The following HLA-G variants were observed in gnomAD, a reference collection of about 807,000 sequenced individuals.
HLA-G encodes the protein major histocompatibility complex, class I, G, also known as HLA class I histocompatibility antigen, alpha chain G.
In HLA-G, 34 loss-of-function variants were observed where a neutral mutation model predicts 39.3. The observed-to-expected ratio is 0.86, with a 90% CI of 0.66 to 1.15. The LOEUF is 1.15. HLA-G is among the 50% of genes most tolerant of loss of function. HLA-G has a pLI of 0.00. For synonymous variants in HLA-G, 183 were observed against 185.8 expected (o/e 0.99, Z 0.12); for missense variants, 419 against 456.4 (o/e 0.92, Z 0.75).
upstream of HLA-G, chr6:29,827,027 T>G (rs1363196700): frequency 1.9e-6 from 1 of 525,860 alleles, no homozygotes; most frequent in Non-Finnish European, 3.9e-6. Context: ...CACGGAAACT[T>G]AGGGCTACGG....
Position 29,828,098 on chromosome 6 carries a change from G to A in HLA-G, c.125G>A (p.Gly42Glu). 1.2e-6 allele frequency: 2 copies of A among 1,612,550 alleles called. No homozygotes were observed. Among genetic ancestry groups the A allele is most frequent in the Non-Finnish European group, 1.7e-6 (2 of 1,179,716 alleles). ...GCCGCCGTGTCCCGGCCCGGCCGCG[G>A]GGAGCCCCGCTTCATCGCCATGGGC... ...FSAAVSRPGR[G>E]EPRFIAMGYV... is the part of the protein sequence containing the mutation. The change falls in exon 2 of 7, where the codon GGG (glycine) becomes GAG (glutamate). Residue 42 changes from glycine to glutamate, a missense_variant. Gly to Glu is a moderately conservative substitution (Grantham distance 98). This residue lies in a region of HLA-G where 91 missense variants were observed against 133.4 expected (regional missense o/e 0.68). Transcript: ENST00000360323.
chr6:29,828,760 G>T lies in HLA-G; in HGVS notation c.561G>T (p.Thr187=). Reference sequence around the variant, plus strand: ...AAAGGAGAGCCTACCTGGAGGGCACGTGCGTGGAGTGGCTCCACAGATACC... The same window carrying T: ...AAAGGAGAGCCTACCTGGAGGGCACTTGCGTGGAGTGGCTCCACAGATACC... ...AEQRRAYLEG[T]CVEWLHRYLE... The change falls in exon 3 of 7, where the codon ACG becomes ACT. Residue 187 remains threonine (T), a synonymous_variant. Coordinates refer to ENST00000360323, the MANE Select transcript of HLA-G (RefSeq NM_001384290.1). The T allele has an allele frequency of 1.2e-6, 2 of 1,614,058 alleles. No individual in the cohort carries two copies. Among genetic ancestry groups the T allele is most frequent in the African/African-American group, 1.3e-5 (1 of 75,050 alleles).
intron 1 of HLA-G, 63 bp from the exon 2 acceptor site, chr6:29,827,984 G>C: frequency 6.3e-7 from 1 of 1,589,816 alleles, no homozygotes; most frequent in Non-Finnish European, 8.6e-7. Context: ...CGGCGGGGGC[G>C]CAGGACTCGG....
chr6:29,827,652 G>A, upstream of HLA-G: 3 of 663,986 alleles, frequency 4.5e-6, no homozygotes, highest in Non-Finnish European at 8.2e-6. Flanking sequence ...GGGTTGGGGA[G>A]GCCCCGCGTT....
In HLA-G at chr6:29,829,702, G is replaced by C; in HGVS notation, c.895+9G>C. 6.2e-7 allele frequency: 1 copy of C among 1,611,644 alleles called. No individual in the cohort carries two copies. Among genetic ancestry groups the C allele is most frequent in the Non-Finnish European group, 8.5e-7 (1 of 1,179,224 alleles). ...CCTCATGCTGAGATGGAGTAAGGAG[G>C]GAGATGGAGGCATCATGTCTGTTAG... On this transcript the variant is annotated intron_variant, in intron 4 of 6. Transcript: ENST00000360323.
intron 1 of HLA-G, 33 bp downstream of exon 1, chr6:29,827,950 G>A (rs774641405): frequency 4.4e-6 from 7 of 1,595,588 alleles, no homozygotes; most frequent in Non-Finnish European, 6.0e-6. Flanking sequence ...AACAGCCCCT[G>A]CGCGGAGGAG....
chr6:29,828,924 C>T (rs1442824625), intron 3 of HLA-G, 106 bp downstream of exon 3: 40 of 1,454,966 alleles, frequency 2.7e-5, no homozygotes, highest in Non-Finnish European at 3.5e-5. Flanking sequence ...ATCGCCCTCC[C>T]TCTGGTCCTG....
In HLA-G at chr6:29,828,623, T is replaced by C. The variant is rs772834879; in HGVS notation, c.424T>C (p.Tyr142His). 21 of 1,613,200 alleles carry C rather than the reference T, an allele frequency of 1.3e-5. No homozygotes were observed. The highest frequency in any genetic ancestry group is 1.7e-5 in the Non-Finnish European group (20 of 1,179,988). ...RLLRGYEQYA[Y>H]DGKDYLALNE... ...CCTCCGCGGGTATGAACAGTATGCC[T>C]ACGATGGCAAGGATTACCTCGCCCT... Residue 142 changes from tyrosine to histidine, a missense_variant, in exon 3 of 7, where the codon TAC becomes CAC. By Grantham distance (83) the Tyr-to-His change is moderately conservative. This residue lies in a region of HLA-G where 328 missense variants were observed against 323.0 expected (regional missense o/e 1.02). Coordinates refer to ENST00000360323, the MANE Select transcript of HLA-G (RefSeq NM_001384290.1).
upstream of HLA-G, chr6:29,827,336 C>G (rs17875393): frequency 0.037 from 13,223 of 355,956 alleles, 396 homozygotes; most frequent in Middle Eastern, 0.087. Context: ...CCTACAATCC[C>G]AGGGCGAGCT....
chr6:29,828,148 C>T lies in HLA-G; in HGVS notation c.175C>T (p.Arg59Trp). 6.2e-7 allele frequency: 1 copy of T among 1,612,906 alleles called. No homozygotes were observed. Among genetic ancestry groups the T allele is most frequent in the Non-Finnish European group, 8.5e-7 (1 of 1,179,704 alleles). The change falls in exon 2 of 7, where the codon CGG becomes TGG. Residue 59 changes from arginine (R) to tryptophan (W), a missense_variant. Arg to Trp is a moderately radical substitution (Grantham distance 101). This residue lies in a region of HLA-G where 91 missense variants were observed against 133.4 expected (regional missense o/e 0.68). Transcript: ENST00000360323. Reference protein sequence around the residue: ...MGYVDDTQFVRFDSDSACPRM... With the variant: ...MGYVDDTQFVWFDSDSACPRM... ...CTACGTGGACGACACGCAGTTCGTG[C>T]GGTTCGACAGCGACTCGGCGTGTCC...
At chr6:29,827,974 C>A (rs6932596) in intron 1 of HLA-G, 57 bp downstream of exon 1, 1 of 1,586,926 alleles carries the variant, frequency 6.3e-7, no homozygotes, top group South Asian at 1.2e-5. Context: ...GGGGCCGGCC[C>A]GGCGGGGGCG....
intron 3 of HLA-G, 90 bp from the exon 4 acceptor site, chr6:29,829,328 G>A (rs1761034604): frequency 7.1e-7 from 1 of 1,412,238 alleles, no homozygotes; most frequent in Non-Finnish European, 9.8e-7. Context: ...CCAGGTATCT[G>A]GTTCATTCTT....
At position 29,828,138 on chromosome 6, in the gene HLA-G, G is replaced by C. The variant is rs753725219; in HGVS notation, c.165G>C (p.Thr55=). ...TCGCCATGGGCTACGTGGACGACAC[G>C]CAGTTCGTGCGGTTCGACAGCGACT... is the stretch of plus-strand genomic sequence containing the variant. The part of the protein sequence containing the change: ...RFIAMGYVDD[T]QFVRFDSDSA... Residue 55 remains threonine (T), a synonymous_variant, in exon 2 of 7, where the codon ACG becomes ACC. Coordinates refer to ENST00000360323, the MANE Select transcript of HLA-G (RefSeq NM_001384290.1). The C allele has an allele frequency of 6.2e-7, 1 of 1,613,218 alleles. No individual in the cohort carries two copies. Among genetic ancestry groups the C allele is most frequent in the Non-Finnish European group, 8.5e-7 (1 of 1,179,850 alleles).
rs148061958 is a variant in HLA-G at position 29,828,923 on chromosome 6, C to T, written c.619+105C>T. The T allele has an allele frequency of 2.9e-3, 4,271 of 1,454,604 alleles. 24 individuals carry two copies. Among genetic ancestry groups the T allele is most frequent in the Middle Eastern group, 0.016 (90 of 5,788 alleles). 90.1% of individuals were successfully genotyped at this position (1,454,604 alleles called of 1,614,324 possible). ...GGACCAACACTAGAATATCGCCCTC[C>T]CTCTGGTCCTGAGGGAGAGGAATCC... On this transcript the variant is annotated intron_variant, in intron 3 of 6. Coordinates refer to ENST00000360323, the MANE Select transcript of HLA-G (RefSeq NM_001384290.1).
In HLA-G at chr6:29,829,407, C is replaced by T. The variant is rs750282156; in HGVS notation, c.620-11C>T. ...TGCAAAGTGCTTGAATTTTCTGACT[C>T]TTCCTTTCAGACCCCCCCAAGACAC... On this transcript the variant is annotated splice_polypyrimidine_tract_variant and intron_variant, in intron 3 of 6. Coordinates refer to ENST00000360323, the MANE Select transcript of HLA-G (RefSeq NM_001384290.1). 2 of 1,612,180 alleles carry T rather than the reference C, an allele frequency of 1.2e-6. No homozygotes were observed. Among genetic ancestry groups the T allele is most frequent in the Non-Finnish European group, 1.7e-6 (2 of 1,178,774 alleles).
chr6:29,829,901 C>G lies in HLA-G; in HGVS notation c.981C>G (p.Val327=). 1 of 1,613,614 alleles carries G rather than the reference C, an allele frequency of 6.2e-7. No homozygotes were observed. The highest frequency in any genetic ancestry group is 8.5e-7 in the Non-Finnish European group (1 of 1,179,704). ...CAGCTGTAGTCACTGGAGCTGCGGT[C>G]GCTGCTGTGCTGTGGAGAAAGAAGA... is the stretch of plus-strand genomic sequence containing the variant. ...VLAAVVTGAA[V]AAVLWRKKSS... is the part of the protein sequence containing the mutation. The change falls in exon 5 of 7, where the codon GTC becomes GTG. Residue 327 remains valine, a synonymous_variant. Transcript: ENST00000360323.
At chr6:29,828,937 G>A (rs2113857253) in intron 3 of HLA-G, 119 bp downstream of exon 3, 5 of 1,349,186 alleles carry the variant, frequency 3.7e-6, no homozygotes, top group Non-Finnish European at 5.2e-6. Context: ...TGGTCCTGAG[G>A]GAGAGGAATC....
chr6:29,830,508 A>C lies in HLA-G; in HGVS notation c.*28+98A>C. On this transcript the variant is annotated intron_variant, in intron 6 of 6. Transcript: ENST00000360323. ...ACCCCACAATTCCTCCTCTGGCCAC[A>C]TCTCCTGTGGTCTCTGACCAGGTGC... The C allele has an allele frequency of 8.5e-6, 9 of 1,054,608 alleles. No homozygotes were observed. In the South Asian group the frequency reaches 8.8e-5, roughly 10 times the overall value. 65.3% of individuals were successfully genotyped at this position (1,054,608 alleles called of 1,614,324 possible). A position where few individuals can be genotyped will look rare whatever the true frequency, so the allele number is the denominator to read the frequency against.
At chr6:29,828,442 T>C (rs1050184045) in intron 2 of HLA-G, 101 bp from the exon 3 acceptor site, 24 of 1,533,902 alleles carry the variant, frequency 1.6e-5, no homozygotes, top group Admixed American at 3.9e-5. Context: ...CCAGACCCTC[T>C]ACCTGGGAGA....
Sources: allele counts gnomAD v4.1 joint callset, GRCh38; gene constraint gnomAD v4.1.1; regional missense constraint gnomAD v4.1.1; transcripts MANE v1.5; gene names NCBI Gene and HGNC (gene_info 2026-07-23, HGNC 2026-07-21).